Variants in UST observed in about 807,000 individuals in gnomAD.
The protein encoded by UST is uronyl 2-sulfotransferase.
UST carries 21 observed loss-of-function variants against 45.6 expected under a neutral mutation model. That is an observed-to-expected ratio of 0.46 (90% CI 0.33 to 0.66). The LOEUF (loss-of-function observed/expected upper bound fraction) is 0.66. UST is among the 30% of genes least tolerant of loss of function. The pLI is 0.02. For synonymous variants in UST, 215 were observed against 200.6 expected (o/e 1.07, Z -0.61); for missense variants, 463 against 512.4 (o/e 0.90, Z 0.93).
At chr6:148,997,875 C>T (rs1012011329) in intron 5 of UST, among the ~76,000 whole-genome samples, 33 of 152,198 alleles carry the variant, frequency 2.2e-4, no homozygotes, top group African/African-American at 7.7e-4. Context: ...GAACTTATTA[C>T]GAGTCCTTAA....
chr6:149,028,656 G>A (rs1385052456), intron 7 of UST, among the ~76,000 whole-genome samples: 1 of 152,184 alleles, frequency 6.6e-6, no homozygotes, highest in Non-Finnish European at 1.5e-5. Context: ...AGAAACAATT[G>A]CAAGGAATAA....
At position 148,965,170 on chromosome 6, in the gene UST, C is replaced by T. The variant is rs76598963; in HGVS notation, c.681+607C>T. On this transcript the variant is annotated intron_variant, in intron 5 of 7. Transcript: ENST00000367463. ...TTCTCTGGACTTGTTTTGGGACCCTCAGCTCCATAAGGGATGTTAGTCTCG... is the reference window on the plus strand; with the variant it reads ...TTCTCTGGACTTGTTTTGGGACCCTTAGCTCCATAAGGGATGTTAGTCTCG... 2.6e-3 allele frequency among the ~76,000 whole-genome samples: 392 copies of T among 152,310 alleles called. 4 individuals are homozygous for T. The highest frequency in any genetic ancestry group is 1.5e-3 in the Non-Finnish European group (103 of 68,032).
At chr6:148,979,392 A>T (rs1482952528) in intron 5 of UST, among the ~76,000 whole-genome samples, 1 of 152,228 alleles carries the variant, frequency 6.6e-6, no homozygotes, top group Non-Finnish European at 1.5e-5. Context: ...TAATTACGGC[A>T]GCAGATGTAA....
intron 7 of UST, among the ~76,000 whole-genome samples, chr6:149,052,363 C>T (rs374956390): frequency 6.6e-6 from 1 of 152,186 alleles, no homozygotes; most frequent in East Asian, 1.9e-4. Flanking sequence ...TCTTGTGTCT[C>T]AGGAATCTTG....
rs1382367419 is a variant in UST, at chr6:148,748,063, C to T, written c.247+386C>T. 6.6e-6 allele frequency among the ~76,000 whole-genome samples: 1 copy of T among 152,034 alleles called. No individual in the cohort carries two copies. Among genetic ancestry groups the T allele is most frequent in the Non-Finnish European group, 1.5e-5 (1 of 67,984 alleles). Reference sequence around the variant, plus strand: ...GGAGTGGCGAAGGGAAGGGAAGGTCCTCTTCGTTGCATTGTTAGTGACCGC... The same window carrying T: ...GGAGTGGCGAAGGGAAGGGAAGGTCTTCTTCGTTGCATTGTTAGTGACCGC... On this transcript the variant is annotated intron_variant, in intron 1 of 7. Transcript: ENST00000367463. The surrounding 1 kb of genome is among the most constrained non-coding windows in gnomAD (Gnocchi z 5.3).
At chr6:148,811,227 A>T (rs1777251353) in intron 1 of UST, among the ~76,000 whole-genome samples, 1 of 152,182 alleles carries the variant, frequency 6.6e-6, no homozygotes, top group East Asian at 1.9e-4. Context: ...GTCTGGGAGT[A>T]GTTGGCTCAC....
chr6:148,973,381 G>C (rs971137655), intron 5 of UST, among the ~76,000 whole-genome samples: 1 of 152,156 alleles, frequency 6.6e-6, no homozygotes, highest in African/African-American at 2.4e-5. Context: ...TTAGGTTGAC[G>C]AGGCACTTGG....
chr6:148,989,561 C>T (rs745738749), intron 5 of UST, among the ~76,000 whole-genome samples: 6 of 152,204 alleles, frequency 3.9e-5, no homozygotes, highest in Non-Finnish European at 5.9e-5. Context: ...ATTGCATTAA[C>T]AGAAGTATCT....
intron 1 of UST, among the ~76,000 whole-genome samples, chr6:148,867,208 T>A (rs1189030148): frequency 6.6e-6 from 1 of 151,956 alleles, no homozygotes; most frequent in East Asian, 1.9e-4. Flanking sequence ...AAAGTCATTC[T>A]TGAGAGAAAA....
chr6:148,982,481 C>T (rs1317429430), intron 5 of UST, among the ~76,000 whole-genome samples: 1 of 152,172 alleles, frequency 6.6e-6, no homozygotes, highest in African/African-American at 2.4e-5. Flanking sequence ...AGGCCCACCT[C>T]CTAATACTAT....
chr6:148,755,468 C>T (rs2114647917), intron 1 of UST, among the ~76,000 whole-genome samples: 1 of 152,218 alleles, frequency 6.6e-6, no homozygotes, highest in South Asian at 2.1e-4. Flanking sequence ...GAATAATTGG[C>T]AACACTCTCT....
intron 2 of UST, among the ~76,000 whole-genome samples, chr6:148,917,721 G>A (rs1034178036): frequency 6.6e-6 from 1 of 152,162 alleles, no homozygotes; most frequent in Non-Finnish European, 1.5e-5. Flanking sequence ...TCAGCTTCAG[G>A]GTAGGGCTGA....
chr6:148,824,192 G>A (rs1044808719), intron 1 of UST, among the ~76,000 whole-genome samples: 1 of 152,226 alleles, frequency 6.6e-6, no homozygotes, highest in Non-Finnish European at 1.5e-5. Context: ...CTAAGTTCAA[G>A]TTATGTTGAA....
intron 1 of UST, among the ~76,000 whole-genome samples, chr6:148,750,356 A>G (rs891777814): frequency 1.3e-5 from 2 of 152,250 alleles, no homozygotes; most frequent in African/African-American, 2.4e-5. Flanking sequence ...GCCAAGAGAC[A>G]GTAGCATTCA....
chr6:148,940,954 C>G (rs1404229468), intron 2 of UST, among the ~76,000 whole-genome samples: 1 of 152,018 alleles, frequency 6.6e-6, no homozygotes, highest in Admixed American at 6.6e-5. Context: ...AGCATAATAG[C>G]AAAAAATATT....
At chr6:148,810,021 C>T (rs1554218117) in intron 1 of UST, among the ~76,000 whole-genome samples, 1 of 152,106 alleles carries the variant, frequency 6.6e-6, no homozygotes. Context: ...GGAGACAGAG[C>T]CATCTTATCT....
chr6:148,944,189 A>T (rs887317043), intron 3 of UST, among the ~76,000 whole-genome samples: 10 of 152,318 alleles, frequency 6.6e-5, no homozygotes, highest in South Asian at 6.2e-4. Flanking sequence ...AGTTGTTCTC[A>T]CCTATAAATG....
At chr6:149,021,299 T>C (rs765643436) in intron 6 of UST, 25 bp from the exon 7 acceptor site, 7 of 1,566,490 alleles carry the variant, frequency 4.5e-6, no homozygotes, top group Non-Finnish European at 6.1e-6. Context: ...TGTCTGATTT[T>C]AAATAAATTT....
Position 148,747,340 on chromosome 6 carries a change from T to G in UST, c.-91T>G, listed in dbSNP as rs1775885006. 7.5e-7 allele frequency: 1 copy of G among 1,338,096 alleles called. No homozygotes were observed. Among genetic ancestry groups the G allele is most frequent in the Non-Finnish European group, 9.6e-7 (1 of 1,038,592 alleles). 82.9% of individuals were successfully genotyped at this position (1,338,096 alleles called of 1,614,324 possible). ...GCTGCCCTCCGCGCGGCCCTCCCCA[T>G]GTGCAGCCGGCCAGCCGGGCTCTCC... is the stretch of plus-strand genomic sequence containing the variant. On this transcript the variant is annotated 5_prime_UTR_variant, in exon 1 of 8. The change abolishes an upstream ATG in the 5' untranslated region. Transcript: ENST00000367463.
Sources: allele counts gnomAD v4.1 joint callset (sites outside exome capture counted in the v4.1 genomes callset), GRCh38; gene constraint gnomAD v4.1.1; non-coding constraint Gnocchi (gnomAD v3.1); transcripts MANE v1.5; gene names NCBI Gene and HGNC (gene_info 2026-07-23, HGNC 2026-07-21).